Variants in SGCD observed in about 807,000 individuals in gnomAD.
SGCD encodes the protein delta-sarcoglycan.
Under a neutral mutation model 36.6 loss-of-function variants are expected in SGCD, and 18 were observed. That is an observed-to-expected ratio of 0.49 (90% CI 0.34 to 0.73). SGCD has a LOEUF of 0.73. SGCD is among the 30% of genes least tolerant of loss of function. The pLI is 0.01. For missense variants in SGCD, 387 were observed against 346.7 expected, an observed-to-expected ratio of 1.12 and a Z score of -0.92; for synonymous variants, 133 against 130.6, an observed-to-expected ratio of 1.02 and a Z score of -0.12.
chr5:156,174,114 G>A (rs565034717), intron 3 of SGCD, among the ~76,000 whole-genome samples: 10 of 152,284 alleles, frequency 6.6e-5, no homozygotes, highest in South Asian at 4.1e-4. Flanking sequence ...GCTGGCTGCC[G>A]CATTCATGGT....
At chr5:155,914,265 A>G (rs1454717425) in intron 1 of SGCD, among the ~76,000 whole-genome samples, 2 of 152,220 alleles carry the variant, frequency 1.3e-5, no homozygotes, top group African/African-American at 2.4e-5. Flanking sequence ...AAATGGGACC[A>G]TATACTATCA....
At chr5:156,146,597 A>G (rs938372659) in intron 3 of SGCD, among the ~76,000 whole-genome samples, 1 of 152,248 alleles carries the variant, frequency 6.6e-6, no homozygotes, top group Non-Finnish European at 1.5e-5. Flanking sequence ...TTTTACATGT[A>G]ATTTTAACCA....
intron 6 of SGCD, among the ~76,000 whole-genome samples, chr5:156,645,892 A>C (rs989644451): frequency 6.6e-6 from 1 of 152,164 alleles, no homozygotes; most frequent in Non-Finnish European, 1.5e-5. Flanking sequence ...ATGAATAAGA[A>C]TCATAAACAT....
chr5:156,089,126 A>T lies in SGCD; in HGVS notation c.-281-28752A>T, dbSNP rs185422803. Among the ~76,000 whole-genome samples, 13 of 152,314 alleles carry T rather than the reference A, an allele frequency of 8.5e-5. No homozygotes were observed. In the East Asian group the frequency reaches 1.3e-3, roughly 16 times the overall value. The stretch of plus-strand genomic sequence containing the variant: ...GTAATGTCTGTTCTAATTATTGTAC[A>T]TATTATTTAACCCTGGACTCACTGA... On this transcript the variant is annotated intron_variant, in intron 1 of 9. Coordinates refer to the SGCD transcript ENST00000517913.
At chr5:156,503,538 G>A (rs1756549537) in intron 3 of SGCD, among the ~76,000 whole-genome samples, 1 of 152,092 alleles carries the variant, frequency 6.6e-6, no homozygotes, top group African/African-American at 2.4e-5. Flanking sequence ...GAACCATAAG[G>A]GCATTACTTT....
chr5:156,614,367 A>C (rs984342709), intron 6 of SGCD, among the ~76,000 whole-genome samples: 1 of 151,950 alleles, frequency 6.6e-6, no homozygotes, highest in Non-Finnish European at 1.5e-5. Context: ...TCTTCACCAC[A>C]CTCTATGACT....
chr5:155,858,377 A>T, the SGCD span, among the ~76,000 whole-genome samples: 2 of 152,200 alleles, frequency 1.3e-5, no homozygotes, highest in African/African-American at 4.8e-5. Context: ...AATTGTACTG[A>T]TTAAGCATCT....
intron 7 of SGCD, among the ~76,000 whole-genome samples, chr5:156,728,369 G>A (rs1047461713): frequency 1.3e-5 from 2 of 151,934 alleles, no homozygotes; most frequent in East Asian, 1.9e-4. Context: ...AAAACTAGCC[G>A]AGTGTGGTGG....
chr5:156,078,588 T>TA (rs1760863301), intron 1 of SGCD, among the ~76,000 whole-genome samples: 1 of 141,594 alleles, frequency 7.1e-6, no homozygotes, highest in Admixed American at 7.3e-5. Flanking sequence ...TTTATATATA[T>TA]TTATATTTAT....
At chr5:155,777,537 T>C in the SGCD span, among the ~76,000 whole-genome samples, 5 of 151,950 alleles carry the variant, frequency 3.3e-5, no homozygotes, top group Non-Finnish European at 7.4e-5. Context: ...TTGTATTTTT[T>C]TGCGGAGATG....
chr5:156,279,322 A>G (rs1248060763), intron 3 of SGCD, among the ~76,000 whole-genome samples: 5 of 152,224 alleles, frequency 3.3e-5, no homozygotes, highest in African/African-American at 1.2e-4. Context: ...TAGACTATGA[A>G]CAAAAATCTA....
chr5:156,198,493 C>T (rs1013602690), intron 3 of SGCD, among the ~76,000 whole-genome samples: 1 of 152,088 alleles, frequency 6.6e-6, no homozygotes, highest in Non-Finnish European at 1.5e-5. Flanking sequence ...GAGAAGGAAT[C>T]TGAGGCATAG....
chr5:156,000,441 C>T (rs773885667), intron 1 of SGCD, among the ~76,000 whole-genome samples: 6 of 152,194 alleles, frequency 3.9e-5, no homozygotes, highest in Non-Finnish European at 7.4e-5. Context: ...GAGCAGAGGG[C>T]TTCTAAAGCA....
intron 1 of SGCD, among the ~76,000 whole-genome samples, chr5:155,923,649 G>A (rs915078970): frequency 6.6e-6 from 1 of 152,150 alleles, no homozygotes; most frequent in Non-Finnish European, 1.5e-5. Context: ...TTTTCAATTA[G>A]AGTTACAGAG....
chr5:155,781,838 C>T, the SGCD span, among the ~76,000 whole-genome samples: 597 of 152,104 alleles, frequency 3.9e-3, 6 homozygotes, highest in African/African-American at 0.013. Context: ...TCCAGGACAT[C>T]ATCCTAGGAA....
chr5:156,275,531 C>T (rs759863787), intron 3 of SGCD, among the ~76,000 whole-genome samples: 2 of 152,106 alleles, frequency 1.3e-5, no homozygotes, highest in African/African-American at 4.8e-5. Flanking sequence ...GCTGGAATAC[C>T]TCTTGCATGT....
upstream of SGCD, among the ~76,000 whole-genome samples, chr5:155,868,737 C>T (rs1160895238): frequency 6.6e-6 from 1 of 152,004 alleles, no homozygotes; most frequent in Non-Finnish European, 1.5e-5. Context: ...TGAAAAGAGG[C>T]TTAAGTTAGC....
chr5:155,734,799 G>T, the SGCD span, among the ~76,000 whole-genome samples: 1 of 152,180 alleles, frequency 6.6e-6, no homozygotes, highest in Non-Finnish European at 1.5e-5. Flanking sequence ...ATCCCCTGCT[G>T]CAATTGCTTG....
At chr5:156,561,386 A>G (rs1215806334) in intron 4 of SGCD, among the ~76,000 whole-genome samples, 3 of 152,342 alleles carry the variant, frequency 2.0e-5, no homozygotes, top group Non-Finnish European at 2.9e-5. Flanking sequence ...ATAAATTAAA[A>G]ATAACGAGTG....
Sources: allele counts gnomAD v4.1 joint callset (sites outside exome capture counted in the v4.1 genomes callset), GRCh38; gene constraint gnomAD v4.1.1; transcripts MANE v1.5; gene names NCBI Gene and HGNC (gene_info 2026-07-23, HGNC 2026-07-21).